Variants in KMT2C observed in about 807,000 individuals in gnomAD.
KMT2C encodes the protein lysine methyltransferase 2C.
A neutral mutation model predicts 507.9 loss-of-function variants in KMT2C; 88 were observed. The ratio of observed to expected loss-of-function variants is 0.17; its 90% CI spans 0.15 to 0.21. The LOEUF is 0.21. Ranked by LOEUF, KMT2C falls within the 10% of genes least tolerant of loss-of-function variation. The pLI is 1.00. For synonymous variants in KMT2C, 2,049 were observed against 2,080.8 expected, an observed-to-expected ratio of 0.98 and a Z score of 0.42; for missense variants, 4,954 against 5,957.8, an observed-to-expected ratio of 0.83 and a Z score of 5.55.
At chr7:152,214,117 T>A (rs1017313580) in intron 23 of KMT2C, among the ~76,000 whole-genome samples, 1 of 151,658 alleles carries the variant, frequency 6.6e-6, no homozygotes, top group Admixed American at 6.6e-5. Context: ...ACATGGTTGA[T>A]AGGAATGTAA....
intron 1 of KMT2C, among the ~76,000 whole-genome samples, chr7:152,423,155 C>T (rs2116744349): frequency 6.6e-6 from 1 of 152,192 alleles, no homozygotes; most frequent in African/African-American, 2.4e-5. Flanking sequence ...ACCTGACCAA[C>T]ATGGTGAAAC....
In KMT2C at chr7:152,308,471, T is replaced by C. The variant is rs561176396; in HGVS notation, c.849+1495A>G. 3.6e-5 allele frequency among the ~76,000 whole-genome samples: 5 copies of C among 137,812 alleles called. No individual in the cohort carries two copies. In the East Asian group the frequency reaches 8.9e-4, roughly 25 times the overall value. The allele number at this position is 137,812 out of a possible 152,430, so 90.4% of individuals were successfully genotyped here. On this transcript the variant is annotated intron_variant, in intron 6 of 58. Coordinates refer to ENST00000262189, the MANE Select transcript of KMT2C (RefSeq NM_170606.3). ...CAGGCAGATCACCTGAGGTCAGGAG[T>C]TCAAGATCAGGCTGGCCAACGTAGT...
At position 152,158,914 on chromosome 7, in the gene KMT2C, C is replaced by T. The variant is rs746396460; in HGVS notation, c.11619G>A (p.Glu3873=). The change falls in exon 44 of 59, where the codon GAG becomes GAA. Residue 3873 remains glutamate (E), a synonymous_variant. Transcript: ENST00000262189. ...PRSKKRKKDE[E]EKQAMYSSTD... Reference sequence around the variant, plus strand: ...TGCTAGAGTACATAGCTTGTTTCTCCTCTTCGTCCTTTTTCCTTTTCTTTG... The same window carrying T: ...TGCTAGAGTACATAGCTTGTTTCTCTTCTTCGTCCTTTTTCCTTTTCTTTG... The T allele has an allele frequency of 6.2e-7, 1 of 1,614,192 alleles. No homozygotes were observed. The highest frequency in any genetic ancestry group is 1.3e-5 in the African/African-American group (1 of 75,040).
At chr7:152,288,530 C>CAATAAATA (rs1170819337) in intron 6 of KMT2C, among the ~76,000 whole-genome samples, 1 of 150,986 alleles carries the variant, frequency 6.6e-6, no homozygotes, top group Non-Finnish European at 1.5e-5. Flanking sequence ...AAAACTCTGA[C>CAATAAATA]AATAAATAAA....
At chr7:152,180,550 T>G (rs769038879) in intron 36 of KMT2C, among the ~76,000 whole-genome samples, 161 bp downstream of exon 36, 2 of 152,260 alleles carry the variant, frequency 1.3e-5, no homozygotes, top group Non-Finnish European at 2.9e-5. Context: ...ATTAAACTGG[T>G]GTTAATTTCA....
rs985359158 is a variant in KMT2C, at chr7:152,187,742, A to G, written c.4766T>C (p.Ile1589Thr). The part of the protein sequence containing the change: ...PGSGLGTFSA[I>T]AQSSYPDARD... ...GGCATCAGGATAAGAGGATTGTGCA[A>G]TTGCAGAGAAAGTTCCCAGTCCGCT... Residue 1589 changes from isoleucine to threonine, a missense_variant, in exon 32 of 59, where the codon ATT becomes ACT. Ile to Thr is a moderately conservative substitution (Grantham distance 89). Around this residue, in one of 29 missense-constraint regions of KMT2C, gnomAD observed 195 missense variants for 183.7 expected, o/e 1.06. Transcript: ENST00000262189. 3 of 1,614,142 alleles carry G rather than the reference A, an allele frequency of 1.9e-6. No individual in the cohort carries two copies. The highest frequency in any genetic ancestry group is 1.3e-5 in the African/African-American group (1 of 75,054).
At chr7:152,195,644 GA>G in intron 28 of KMT2C, 1 of 660,430 alleles carries the variant, frequency 1.5e-6, no homozygotes, top group Non-Finnish European at 1.9e-6. Context: ...AACAAAAGAA[GA>G]AAAAAGATAC....
At chr7:152,222,243 TACTC>T (rs1232392733) in intron 21 of KMT2C, among the ~76,000 whole-genome samples, 177 bp from the exon 22 acceptor site, 1 of 152,120 alleles carries the variant, frequency 6.6e-6, no homozygotes, top group African/African-American at 2.4e-5. Context: ...ATGAAGGAAA[TACTC>T]AAGTCATGGA....
At chr7:152,192,177 T>C (rs1425913622) in intron 31 of KMT2C, among the ~76,000 whole-genome samples, 3 of 152,328 alleles carry the variant, frequency 2.0e-5, no homozygotes, top group Admixed American at 2.0e-4. Context: ...GCACTTTCAG[T>C]TCAGAAAACA....
chr7:152,161,003 G>C (rs953250898), intron 43 of KMT2C, among the ~76,000 whole-genome samples: 4 of 152,124 alleles, frequency 2.6e-5, no homozygotes, highest in Admixed American at 6.5e-5. Flanking sequence ...TATAAGAAGG[G>C]AGAACAGAAC....
At chr7:152,361,147 A>G (rs910744251) in intron 1 of KMT2C, among the ~76,000 whole-genome samples, 3 of 152,210 alleles carry the variant, frequency 2.0e-5, no homozygotes, top group African/African-American at 7.2e-5. Context: ...AGAAGGCAGA[A>G]CTAAATAAAA....
chr7:152,145,656 T>C (rs866031408), intron 53 of KMT2C, among the ~76,000 whole-genome samples: 1 of 152,252 alleles, frequency 6.6e-6, no homozygotes. Context: ...CATTGAGTTC[T>C]TTCCCCTGTA....
rs1166053243 is a variant in KMT2C at position 152,144,880 on chromosome 7, G to A, written c.14176C>T (p.Pro4726Ser). 6 of 1,608,826 alleles carry A rather than the reference G, an allele frequency of 3.7e-6. No homozygotes were observed. The highest frequency in any genetic ancestry group is 5.1e-6 in the Non-Finnish European group (6 of 1,176,146). Residue 4726 changes from proline (P) to serine (S), a missense_variant and splice_region_variant, in exon 55 of 59, where the codon CCT becomes TCT. Around this residue, in one of 29 missense-constraint regions of KMT2C, gnomAD observed 133 missense variants for 258.9 expected, o/e 0.51. Coordinates refer to ENST00000262189, the MANE Select transcript of KMT2C (RefSeq NM_170606.3). This position sits in a 1 kb window ranked among gnomAD's most constrained non-coding sequence, Gnocchi z 4.4. Reference sequence around the variant, plus strand: ...GTGCTGGTGCTGTTTAAGGTGTGAGGCCTGCAGACAATGGCATATCAACAG... The same window carrying A: ...GTGCTGGTGCTGTTTAAGGTGTGAGACCTGCAGACAATGGCATATCAACAG... ...SAHVKRFVLR[P>S]HTLNSTSTSK...
chr7:152,204,131 A>G (rs940627636), intron 25 of KMT2C, among the ~76,000 whole-genome samples: 1 of 142,120 alleles, frequency 7.0e-6, no homozygotes, highest in South Asian at 2.3e-4. Flanking sequence ...CACCAATAGC[A>G]AAAAAAAAAA....
At chr7:152,250,066 T>A in intron 12 of KMT2C, 113 bp from the exon 13 acceptor site, 2 of 642,720 alleles carry the variant, frequency 3.1e-6, no homozygotes, top group South Asian at 3.8e-5. Flanking sequence ...ATTTCCAATA[T>A]AAGCATGAAA....
chr7:152,206,414 T>C (rs1168119878), intron 24 of KMT2C, among the ~76,000 whole-genome samples: 4 of 152,166 alleles, frequency 2.6e-5, no homozygotes, highest in Non-Finnish European at 5.9e-5. Flanking sequence ...AAGCAACTAA[T>C]CTTAGGTCCT....
intron 55 of KMT2C, among the ~76,000 whole-genome samples, chr7:152,143,372 C>A (rs1315728295): frequency 6.6e-6 from 1 of 152,112 alleles, no homozygotes; most frequent in Non-Finnish European, 1.5e-5. Flanking sequence ...AACAGAGAGA[C>A]AAGGAAACAA....
chr7:152,359,474 CTTTA>C (rs1485216883), intron 1 of KMT2C, among the ~76,000 whole-genome samples: 2 of 152,014 alleles, frequency 1.3e-5, no homozygotes, highest in Non-Finnish European at 2.9e-5. Context: ...ATTTTAAACT[CTTTA>C]AAAGAAAAAG....
chr7:152,239,292 T>G (rs2095340721), intron 14 of KMT2C, among the ~76,000 whole-genome samples: 1 of 152,140 alleles, frequency 6.6e-6, no homozygotes, highest in Admixed American at 6.5e-5. Flanking sequence ...CCAAAACCAG[T>G]AGGCCAAAGA....
Sources: gnomAD v4.1 joint callset for allele counts (sites outside exome capture counted in the v4.1 genomes callset) on GRCh38, gnomAD v4.1.1 for gene constraint, gnomAD v4.1.1 regional missense constraint, Gnocchi (gnomAD v3.1) non-coding constraint, MANE v1.5 for transcripts, NCBI Gene and HGNC (gene_info 2026-07-23, HGNC 2026-07-21) for gene names.